The following KIAA1217 variants were observed in gnomAD, a reference collection of about 807,000 sequenced individuals.
KIAA1217 encodes the protein KIAA1217.
A neutral mutation model predicts 163.9 loss-of-function variants in KIAA1217; 88 were observed. The observed-to-expected ratio is 0.54, with a 90% CI of 0.45 to 0.64. The LOEUF is 0.64. Ranked by LOEUF, KIAA1217 falls within the 30% of genes least tolerant of loss-of-function variation. KIAA1217 has a pLI of 0.00. For synonymous variants in KIAA1217, 903 were observed against 923.1 expected, an observed-to-expected ratio of 0.98 and a Z score of 0.39; for missense variants, 2,372 against 2,475.0, an observed-to-expected ratio of 0.96 and a Z score of 0.88.
At chr10:24,167,322 T>C (rs114527468) in intron 2 of KIAA1217, among the ~76,000 whole-genome samples, 2,655 of 151,938 alleles carry the variant, frequency 0.017, 28 homozygotes, top group Middle Eastern at 0.058. Context: ...TGTGTTACTT[T>C]AGATGTTACA....
At chr10:24,301,814 G>A (rs2041380444) in intron 2 of KIAA1217, among the ~76,000 whole-genome samples, 1 of 152,202 alleles carries the variant, frequency 6.6e-6, no homozygotes. Flanking sequence ...GGAGGCTGAG[G>A]CAGGCAGATC....
At chr10:24,447,917 G>A (rs944328493) in intron 5 of KIAA1217, among the ~76,000 whole-genome samples, 2 of 152,052 alleles carry the variant, frequency 1.3e-5, no homozygotes, top group South Asian at 2.1e-4. Context: ...AGATCACGAG[G>A]TCAAGAGATC....
chr10:24,009,665 C>A (rs1847158698), intron 2 of KIAA1217, among the ~76,000 whole-genome samples: 1 of 152,106 alleles, frequency 6.6e-6, no homozygotes, highest in African/African-American at 2.4e-5. Context: ...TAGGACCCTG[C>A]AAAGTTGAAA....
At chr10:24,199,620 T>A (rs2067153587) in intron 2 of KIAA1217, among the ~76,000 whole-genome samples, 3 of 152,254 alleles carry the variant, frequency 2.0e-5, no homozygotes, top group African/African-American at 4.8e-5. Context: ...AGTTGACTGT[T>A]TTATGTGCAA....
chr10:24,047,260 G>C (rs930443447), intron 2 of KIAA1217, among the ~76,000 whole-genome samples: 2 of 151,982 alleles, frequency 1.3e-5, no homozygotes, highest in African/African-American at 4.8e-5. Flanking sequence ...TTCAAGAAAG[G>C]CTCTTCCATC....
At chr10:24,000,093 C>T (rs1052574226) in intron 1 of KIAA1217, among the ~76,000 whole-genome samples, 2 of 152,140 alleles carry the variant, frequency 1.3e-5, no homozygotes, top group South Asian at 2.1e-4. Context: ...TACAGTAAAC[C>T]TCATAAAAGT....
chr10:24,287,862 T>C (rs2078702471), intron 2 of KIAA1217, among the ~76,000 whole-genome samples: 1 of 152,224 alleles, frequency 6.6e-6, no homozygotes, highest in South Asian at 2.1e-4. Context: ...CTGTTTAGAA[T>C]TCAAATGTTG....
chr10:23,871,153 C>T (rs187093281), intron 1 of KIAA1217, among the ~76,000 whole-genome samples: 14 of 152,002 alleles, frequency 9.2e-5, no homozygotes, highest in African/African-American at 2.7e-4. Flanking sequence ...TTTGTCTTAA[C>T]TGGTTGGAGT....
At chr10:24,068,194 C>G (rs2061045040) in intron 2 of KIAA1217, among the ~76,000 whole-genome samples, 1 of 152,208 alleles carries the variant, frequency 6.6e-6, no homozygotes, top group Non-Finnish European at 1.5e-5. Context: ...AACCCAGTAC[C>G]TCTGTTGGAA....
intron 10 of KIAA1217, among the ~76,000 whole-genome samples, chr10:24,518,505 A>G (rs1251605332): frequency 6.6e-6 from 1 of 152,220 alleles, no homozygotes; most frequent in Non-Finnish European, 1.5e-5. Context: ...ACTTTGAGTC[A>G]GATGACAGCT....
intron 1 of KIAA1217, among the ~76,000 whole-genome samples, chr10:23,896,924 C>G (rs938481655): frequency 6.6e-6 from 1 of 152,004 alleles, no homozygotes; most frequent in Non-Finnish European, 1.5e-5. Context: ...TAAGTGGACA[C>G]TTAAGGATTT....
At chr10:24,217,522 G>A (rs564695408) in intron 1 of KIAA1217, among the ~76,000 whole-genome samples, 3 of 152,318 alleles carry the variant, frequency 2.0e-5, no homozygotes, top group Non-Finnish European at 4.4e-5. Context: ...TCAAGGGTTA[G>A]AAGACTGGAA....
intron 3 of KIAA1217, among the ~76,000 whole-genome samples, chr10:24,388,534 GCAA>G (rs2054352612): frequency 6.6e-6 from 1 of 152,084 alleles, no homozygotes; most frequent in Admixed American, 6.5e-5. Context: ...AAAAGCAATG[GCAA>G]CAAAAGCCAA....
At position 24,545,126 on chromosome 10, in the gene KIAA1217, T is replaced by G. The variant is rs1214553953; in HGVS notation, c.5334+23T>G. ...CAGGTAGTTTTACCTTAAACCCACT[T>G]TTGGATGGACGCTATTTCAGTTAAG... On this transcript the variant is annotated intron_variant, in intron 20 of 20. Coordinates refer to ENST00000376454, the MANE Select transcript of KIAA1217 (RefSeq NM_019590.5). 2.5e-6 allele frequency: 4 copies of G among 1,613,766 alleles called. No homozygotes were observed. In the African/African-American group the frequency reaches 5.3e-5, roughly 22 times the overall value.
intron 2 of KIAA1217, among the ~76,000 whole-genome samples, chr10:24,167,065 A>T (rs74574136): frequency 0.017 from 2,662 of 152,216 alleles, 27 homozygotes; most frequent in Middle Eastern, 0.058. Context: ...TTAAAAGGAA[A>T]ATATATTTCC....
chr10:24,478,948 T>C (rs539388220), intron 6 of KIAA1217, among the ~76,000 whole-genome samples: 10 of 152,338 alleles, frequency 6.6e-5, no homozygotes, highest in South Asian at 4.1e-4. Flanking sequence ...TTCCTCCAAA[T>C]TGATTTTTCA....
At chr10:24,073,051 T>A (rs2061242515) in intron 2 of KIAA1217, among the ~76,000 whole-genome samples, 2 of 147,176 alleles carry the variant, frequency 1.4e-5, no homozygotes, top group Admixed American at 6.8e-5. Flanking sequence ...AGAATGAGAC[T>A]CTGTCTTGAA....
At chr10:24,091,887 T>C (rs1448775317) in intron 2 of KIAA1217, among the ~76,000 whole-genome samples, 2 of 151,730 alleles carry the variant, frequency 1.3e-5, no homozygotes, top group African/African-American at 4.9e-5. Context: ...TGCAGGCATG[T>C]AGTTTGAAAG....
chr10:24,376,610 C>T (rs779256446), intron 2 of KIAA1217, among the ~76,000 whole-genome samples: 41 of 152,146 alleles, frequency 2.7e-4, no homozygotes, highest in South Asian at 1.5e-3. Flanking sequence ...CAAATTAAAA[C>T]AATTAGCTGG....
Sources: allele counts gnomAD v4.1 joint callset (sites outside exome capture counted in the v4.1 genomes callset), GRCh38; gene constraint gnomAD v4.1.1; transcripts MANE v1.5; gene names NCBI Gene and HGNC (gene_info 2026-07-23, HGNC 2026-07-21).